FHL1: variants seen among roughly 807,000 people sequenced by gnomAD.
The protein encoded by FHL1 is four and a half LIM domains protein 1.
Under a neutral mutation model 20.3 loss-of-function variants are expected in FHL1, and 1 was observed. The ratio of observed to expected loss-of-function variants is 0.05; its 90% CI spans 0.02 to 0.23. The LOEUF (loss-of-function observed/expected upper bound fraction) is 0.23. Ranked by LOEUF, FHL1 falls within the 10% of genes least tolerant of loss-of-function variation. The probability of loss-of-function intolerance (pLI) is 1.00; values close to 1 mark genes in which losing one functional copy is unlikely to be tolerated. For synonymous variants in FHL1, 82 were observed against 88.9 expected (o/e 0.92, Z 0.44); for missense variants, 177 against 234.0 (o/e 0.76, Z 1.59).
intron 1 of FHL1, among the ~76,000 whole-genome samples, chrX:136,153,282 G>A (rs753117923): frequency 4.5e-4 from 22 of 48,453 alleles, no homozygotes; most frequent in Non-Finnish European, 1.1e-3. Context: ...TTTTGCGGGA[G>A]GTGGGGGGGG....
intron 1 of FHL1, among the ~76,000 whole-genome samples, chrX:136,205,373 A>C (rs771165669): frequency 6.3e-5 from 7 of 111,609 alleles, no homozygotes; most frequent in Non-Finnish European, 1.3e-4. Flanking sequence ...ACTCTATTTT[A>C]AGATTATAAT....
chrX:136,150,834 G>A (rs896365610), intron 1 of FHL1, among the ~76,000 whole-genome samples: 9 of 111,757 alleles, frequency 8.1e-5, no homozygotes, highest in Non-Finnish European at 1.5e-4. Context: ...GGAGTTTTTT[G>A]GACAGACAAA....
At chrX:136,160,239 A>C (rs1158037715) in intron 1 of FHL1, among the ~76,000 whole-genome samples, 2 of 110,715 alleles carry the variant, frequency 1.8e-5, no homozygotes, top group African/African-American at 6.6e-5. Context: ...GAAAGAAAAA[A>C]ACTGAGAAGC....
upstream of FHL1, chrX:136,167,902 A>G (rs1251467923): frequency 8.9e-6 from 1 of 112,357 alleles, no homozygotes; most frequent in Non-Finnish European, 1.9e-5. Context: ...AGTGTGTGAC[A>G]GATTCAGGTT....
At chrX:136,179,696 T>A (rs1240562372) in intron 2 of FHL1, among the ~76,000 whole-genome samples, 4 of 112,112 alleles carry the variant, frequency 3.6e-5, no homozygotes, top group Non-Finnish European at 5.6e-5. Flanking sequence ...ATTACCGTGG[T>A]ATTACACAGG....
rs28764019 is a variant in FHL1, at chrX:136,207,743, C to T, written c.380-49C>T. 5.3e-3 allele frequency: 6,291 copies of T among 1,192,505 alleles called. 193 individuals carry two copies. In the African/African-American group the frequency reaches 0.091, roughly 17 times the overall value. ...GGGGAGGGGAGCTGAGTGGATGCAG[C>T]CCCCTGCAGAGCCTGTCAGTGGGGC... On this transcript the variant is annotated intron_variant, in intron 3 of 5. Transcript: ENST00000370683.
At chrX:136,182,738 G>A (rs1380046142) in intron 2 of FHL1, 1 of 112,192 alleles carries the variant, frequency 8.9e-6, no homozygotes, top group Non-Finnish European at 1.9e-5. Context: ...AGCTGCTGTT[G>A]CTTGGGAAGA....
At chrX:136,160,388 G>A (rs1000779871) in intron 1 of FHL1, among the ~76,000 whole-genome samples, 19 of 111,964 alleles carry the variant, frequency 1.7e-4, no homozygotes, top group African/African-American at 5.8e-4. Context: ...CCAATAAAGG[G>A]AAGAGTTGAT....
intron 1 of FHL1, among the ~76,000 whole-genome samples, chrX:136,204,224 TG>T (rs1361178015): frequency 8.9e-6 from 1 of 112,804 alleles, no homozygotes; most frequent in Non-Finnish European, 1.9e-5. Flanking sequence ...GAGATTTATT[TG>T]GTTTCTCAAC....
intron 2 of FHL1, among the ~76,000 whole-genome samples, chrX:136,191,981 G>A (rs2073439397): frequency 8.9e-6 from 1 of 111,857 alleles, no homozygotes; most frequent in Non-Finnish European, 1.9e-5. Flanking sequence ...TGGCAATATG[G>A]AAATAAAACA....
intron 2 of FHL1, among the ~76,000 whole-genome samples, chrX:136,181,633 C>T (rs2073161009): frequency 8.9e-6 from 1 of 112,417 alleles, no homozygotes; most frequent in African/African-American, 3.2e-5. Flanking sequence ...GACTGTACCA[C>T]ATTCTGTGCC....
At chrX:136,149,211 T>C (rs1319281587) in intron 1 of FHL1, among the ~76,000 whole-genome samples, 4 of 112,279 alleles carry the variant, frequency 3.6e-5, no homozygotes, top group African/African-American at 1.3e-4. Context: ...CCTGGAATTT[T>C]GTAAAGCCTT....
Position 136,202,402 on chromosome X carries a change from C to T in FHL1, c.23-4005C>T, listed in dbSNP as rs182335536. Among the ~76,000 whole-genome samples, 107 of 109,224 alleles carry T rather than the reference C, an allele frequency of 9.8e-4. 2 individuals are homozygous for T. In the East Asian group the frequency reaches 0.017, roughly 17 times the overall value. The allele number at this position is 109,224 out of a possible 115,157, so 94.8% of individuals were successfully genotyped here. On this transcript the variant is annotated intron_variant, in intron 1 of 5. Transcript: ENST00000370683. ...GAGGTAAAATGCTATCTTCATTTTT[C>T]CCTATTCTCTCATTTCAAACAAAAG...
chrX:136,183,102 AAAAAAAC>A (rs1172456674), intron 2 of FHL1, among the ~76,000 whole-genome samples: 8 of 102,141 alleles, frequency 7.8e-5, no homozygotes, highest in African/African-American at 2.3e-4. Flanking sequence ...CTCAAAAAAA[AAAAAAAC>A]AAAAAACAAA....
At chrX:136,209,525 C>A in intron 5 of FHL1, 1 of 994,048 alleles carries the variant, frequency 1.0e-6, no homozygotes, top group Non-Finnish European at 1.4e-6. Flanking sequence ...ATCAAAGAAA[C>A]TGGTTATGCT....
chrX:136,162,873 T>C (rs982749918), intron 1 of FHL1, among the ~76,000 whole-genome samples: 1 of 112,301 alleles, frequency 8.9e-6, no homozygotes, highest in African/African-American at 3.2e-5. Context: ...GGATACCTTA[T>C]AAAGAACAGA....
intron 2 of FHL1, among the ~76,000 whole-genome samples, chrX:136,178,371 G>A (rs747316127): frequency 2.7e-5 from 3 of 111,888 alleles, no homozygotes; most frequent in Non-Finnish European, 5.6e-5. Context: ...AGCCAGATAA[G>A]CTTTGTGCTT....
At chrX:136,176,573 T>A (rs748519129) in intron 2 of FHL1, among the ~76,000 whole-genome samples, 1 of 111,746 alleles carries the variant, frequency 8.9e-6, no homozygotes, top group East Asian at 2.8e-4. Flanking sequence ...CTTTTGCCTC[T>A]TTTGCCTGCC....
At chrX:136,197,557 T>C (rs1269863991) in intron 1 of FHL1, among the ~76,000 whole-genome samples, 2 of 112,360 alleles carry the variant, frequency 1.8e-5, no homozygotes, top group East Asian at 5.6e-4. Flanking sequence ...AGGAGGAACA[T>C]TTGTAACTAA....
Sources: allele counts gnomAD v4.1 joint callset (sites outside exome capture counted in the v4.1 genomes callset), GRCh38; gene constraint gnomAD v4.1.1; transcripts MANE v1.5; gene names NCBI Gene and HGNC (gene_info 2026-07-23, HGNC 2026-07-21).